Variants in FAM174A observed in about 807,000 individuals in gnomAD.
FAM174A encodes membrane protein FAM174A.
Under a neutral mutation model 14.3 loss-of-function variants are expected in FAM174A, and 14 were observed. That is an observed-to-expected ratio of 0.98 (90% CI 0.65 to 1.53). FAM174A has a LOEUF of 1.53. FAM174A is among the 40% of genes most tolerant of loss of function. The pLI is 0.00. For synonymous variants in FAM174A, 108 were observed against 111.4 expected (o/e 0.97, Z 0.19); for missense variants, 241 against 249.6 (o/e 0.97, Z 0.23).
At chr5:100,547,677 T>C (rs10477616) in intron 1 of FAM174A, among the ~76,000 whole-genome samples, 3,800 of 152,182 alleles carry the variant, frequency 0.025, 150 homozygotes, top group African/African-American at 0.088. Flanking sequence ...GCCTGAAAGA[T>C]TCTTAAAGGG....
intron 2 of FAM174A, among the ~76,000 whole-genome samples, chr5:100,569,403 A>ATATG (rs1279319993): frequency 6.6e-6 from 1 of 151,356 alleles, no homozygotes; most frequent in Non-Finnish European, 1.5e-5. Flanking sequence ...ATATATATAT[A>ATATG]TTTACAGCTG....
At chr5:100,556,834 G>T (rs1746396264) in intron 1 of FAM174A, among the ~76,000 whole-genome samples, 1 of 152,172 alleles carries the variant, frequency 6.6e-6, no homozygotes, top group Non-Finnish European at 1.5e-5. Flanking sequence ...AGCTTAAGGA[G>T]ACTTTGGGCT....
chr5:100,554,310 C>CTTTTTTTTTTTTTTT (rs34241194), intron 1 of FAM174A, among the ~76,000 whole-genome samples: 4 of 93,942 alleles, frequency 4.3e-5, no homozygotes, highest in Non-Finnish European at 6.0e-5. Flanking sequence ...ATTTTTCTAT[C>CTTTTTTTTTTTTTTT]TTTTTTTTTT....
chr5:100,578,511 C>T (rs1746945887), intron 2 of FAM174A, among the ~76,000 whole-genome samples: 1 of 152,172 alleles, frequency 6.6e-6, no homozygotes, highest in African/African-American at 2.4e-5. Context: ...AACTTAAGAA[C>T]ATCCAGCAAA....
Position 100,563,476 on chromosome 5 carries a change from G to A in FAM174A, c.569+1288G>A, listed in dbSNP as rs184742961. Among the ~76,000 whole-genome samples, 641 of 151,662 alleles carry A rather than the reference G, an allele frequency of 4.2e-3. 1 individual carries two copies. The highest frequency in any genetic ancestry group is 6.0e-3 in the Non-Finnish European group (407 of 67,850). On this transcript the variant is annotated intron_variant, in intron 2 of 2. Coordinates refer to ENST00000312637, the MANE Select transcript of FAM174A (RefSeq NM_198507.3). ...TATGACAATTAGTATGACTCTATCA[G>A]AGCACCTAAATTATAAAGCAAATAT...
chr5:100,574,377 AG>A lies in FAM174A; in HGVS notation c.570-11801del, dbSNP rs574951602. On this transcript the variant is annotated intron_variant, in intron 2 of 2. Transcript: ENST00000312637. ...TGATTTTTGTATTTTTAGTAGAGAC[AG>A]GGTTTTACCTTGTTGGCCAGGCTGG... Among the ~76,000 whole-genome samples the A allele has an allele frequency of 8.6e-5, 13 of 151,878 alleles. No homozygotes were observed. In the South Asian group the frequency reaches 2.5e-3, roughly 29 times the overall value.
intron 1 of FAM174A, among the ~76,000 whole-genome samples, chr5:100,552,558 C>T (rs925884657): frequency 1.3e-5 from 2 of 151,924 alleles, no homozygotes; most frequent in Non-Finnish European, 2.9e-5. Context: ...TATCAGGCTA[C>T]AGCAAGTTAC....
intron 1 of FAM174A, among the ~76,000 whole-genome samples, chr5:100,548,499 A>G (rs1232030258): frequency 6.6e-6 from 1 of 152,136 alleles, no homozygotes; most frequent in African/African-American, 2.4e-5. Context: ...TGTTTTGAAG[A>G]TTAGCAGGCT....
chr5:100,561,908 A>T (rs1304951332), intron 1 of FAM174A, 146 bp from the exon 2 acceptor site: 1 of 445,838 alleles, frequency 2.2e-6, no homozygotes, highest in Non-Finnish European at 3.8e-6. Flanking sequence ...GTTTAATCCT[A>T]GGTGGTAAAT....
intron 1 of FAM174A, among the ~76,000 whole-genome samples, chr5:100,544,697 A>G (rs757633994): frequency 2.0e-5 from 3 of 152,100 alleles, no homozygotes; most frequent in Non-Finnish European, 2.9e-5. Context: ...GTATATTTGC[A>G]TGTATTTACC....
intron 2 of FAM174A, among the ~76,000 whole-genome samples, chr5:100,580,626 T>A (rs1746992752): frequency 6.6e-6 from 1 of 152,228 alleles, no homozygotes; most frequent in African/African-American, 2.4e-5. Context: ...AGAGTGGATC[T>A]GCCGCTCTGA....
intron 2 of FAM174A, among the ~76,000 whole-genome samples, chr5:100,577,957 G>A (rs889429214): frequency 4.6e-5 from 7 of 152,104 alleles, no homozygotes; most frequent in Admixed American, 4.6e-4. Flanking sequence ...TTTATGAATA[G>A]CAGTTTCATA....
At chr5:100,543,875 A>G (rs896205153) in intron 1 of FAM174A, among the ~76,000 whole-genome samples, 1 of 152,194 alleles carries the variant, frequency 6.6e-6, no homozygotes, top group Non-Finnish European at 1.5e-5. Flanking sequence ...GATGAAATGG[A>G]ACATGTACTC....
At chr5:100,575,586 A>G (rs980860616) in intron 2 of FAM174A, among the ~76,000 whole-genome samples, 33 of 152,198 alleles carry the variant, frequency 2.2e-4, no homozygotes, top group African/African-American at 8.0e-4. Flanking sequence ...AAACCCTAGA[A>G]GAAAACCTAG....
chr5:100,548,405 A>G (rs1393632279), intron 1 of FAM174A, among the ~76,000 whole-genome samples: 1 of 152,072 alleles, frequency 6.6e-6, no homozygotes, highest in Admixed American at 6.6e-5. Context: ...CCAAGTTATT[A>G]TTATTATTAT....
chr5:100,555,502 A>G (rs1746356661), intron 1 of FAM174A, among the ~76,000 whole-genome samples: 1 of 152,102 alleles, frequency 6.6e-6, no homozygotes, highest in South Asian at 2.1e-4. Flanking sequence ...AGGAATCGCC[A>G]CACTGACTTC....
intron 1 of FAM174A, among the ~76,000 whole-genome samples, chr5:100,544,343 A>G (rs1428988222): frequency 1.3e-5 from 2 of 152,048 alleles, no homozygotes; most frequent in African/African-American, 4.8e-5. Context: ...GTTGAGGCCA[A>G]GGTCATACCC....
At chr5:100,555,639 T>C (rs1391685062) in intron 1 of FAM174A, among the ~76,000 whole-genome samples, 1 of 152,188 alleles carries the variant, frequency 6.6e-6, no homozygotes. Flanking sequence ...TGTGAGATGG[T>C]ATCTCATTGT....
intron 1 of FAM174A, among the ~76,000 whole-genome samples, chr5:100,554,191 A>G (rs1746317020): frequency 6.6e-6 from 1 of 152,138 alleles, no homozygotes; most frequent in Non-Finnish European, 1.5e-5. Context: ...TATATTTCCA[A>G]CTAGTTTCAC....
Sources: allele counts gnomAD v4.1 joint callset (sites outside exome capture counted in the v4.1 genomes callset), GRCh38; gene constraint gnomAD v4.1.1; transcripts MANE v1.5; gene names NCBI Gene and HGNC (gene_info 2026-07-23, HGNC 2026-07-21).